The following CAPN12 variants were observed in gnomAD, a reference collection of about 807,000 sequenced individuals.
CAPN12 encodes the protein calpain-12.
In CAPN12, 107 loss-of-function variants were observed where a neutral mutation model predicts 95.0. That is an observed-to-expected ratio of 1.13 (90% CI 0.96 to 1.32). CAPN12 has a LOEUF of 1.32. Ranked by LOEUF, CAPN12 falls within the 40% of genes most tolerant of loss-of-function variation. The probability of loss-of-function intolerance (pLI) is 0.00; values close to 1 mark genes in which losing one functional copy is unlikely to be tolerated. For synonymous variants in CAPN12, 505 were observed against 415.5 expected, an observed-to-expected ratio of 1.22 and a Z score of -2.62; for missense variants, 1,136 against 997.8, an observed-to-expected ratio of 1.14 and a Z score of -1.87.
chr19:38,734,932 T>C, intron 14 of CAPN12, 62 bp from the exon 15 acceptor site: 1 of 1,519,980 alleles, frequency 6.6e-7, no homozygotes, highest in Admixed American at 1.7e-5. Flanking sequence ...GGCCAAGCCC[T>C]GTGCTAGGGA....
intron 14 of CAPN12, chr19:38,735,097 G>A (rs1969924873): frequency 4.9e-6 from 3 of 606,244 alleles, no homozygotes; most frequent in South Asian, 2.1e-5. Context: ...GGTGGTCAGG[G>A]AGAGCTTCCA....
chr19:38,733,520 T>G, intron 18 of CAPN12, 183 bp downstream of exon 18: 1 of 572,300 alleles, frequency 1.7e-6, no homozygotes, highest in Non-Finnish European at 3.1e-6. Flanking sequence ...CTTGCCCTTC[T>G]CCTTCCTTAT....
intron 10 of CAPN12, 48 bp from the exon 11 acceptor site, chr19:38,736,611 G>C: frequency 6.4e-7 from 1 of 1,572,544 alleles, no homozygotes; most frequent in Non-Finnish European, 8.6e-7. Context: ...AGAGGTGGCC[G>C]CCGCTCAGGG....
At position 38,735,510 on chromosome 19, in the gene CAPN12, A is replaced by G. The variant is rs768623515; in HGVS notation, c.1618T>C (p.Ser540Pro). ...IDDVISADLQ[S>P]LQGPYLPLEL... ...CCAGGAACAGTCCCCACCTGGAGAG[A>G]CTGCAGGTCTGCGCTGATCACGTCG... Residue 540 changes from serine to proline, a missense_variant, in exon 13 of 21, where the codon TCT becomes CCT. Coordinates refer to ENST00000328867, the MANE Select transcript of CAPN12 (RefSeq NM_144691.4). The G allele has an allele frequency of 1.2e-6, 2 of 1,610,950 alleles. No homozygotes were observed. The highest frequency in any genetic ancestry group is 1.7e-6 in the Non-Finnish European group (2 of 1,179,434).
At chr19:38,737,675 C>T in intron 8 of CAPN12, 37 bp from the exon 9 acceptor site, 1 of 1,501,444 alleles carries the variant, frequency 6.7e-7, no homozygotes, top group Non-Finnish European at 8.9e-7. Context: ...CCCGGCCCCA[C>T]CTCGAGGGGG....
chr19:38,736,917 C>CCCCCTACT, intron 10 of CAPN12: 1 of 282,660 alleles, frequency 3.5e-6, no homozygotes, highest in African/African-American at 2.6e-5. Flanking sequence ...GCCCTACTAG[C>CCCCCTACT]CCCCTACTCC....
Position 38,730,505 on chromosome 19 carries a change from T to A in CAPN12, c.*347A>T. ...AAACCACCCTCTGGGGACAGGATAATAAAACATGTAATATTTTTAAGAAGG... is the reference window on the plus strand; with the variant it reads ...AAACCACCCTCTGGGGACAGGATAAAAAAACATGTAATATTTTTAAGAAGG... On this transcript the variant is annotated 3_prime_UTR_variant, in exon 21 of 21. Transcript: ENST00000328867. 1 of 343,234 alleles carries A rather than the reference T, an allele frequency of 2.9e-6. No individual in the cohort carries two copies. The highest frequency in any genetic ancestry group is 5.4e-6 in the Non-Finnish European group (1 of 183,716). 21.3% of individuals were successfully genotyped at this position (343,234 alleles called of 1,614,324 possible).
chr19:38,741,485 A>C (rs1191072840), intron 4 of CAPN12, among the ~76,000 whole-genome samples: 2 of 151,980 alleles, frequency 1.3e-5, no homozygotes, highest in African/African-American at 4.8e-5. Context: ...AGACAGGAGA[A>C]TCGCTGGAAC....
chr19:38,736,704 GT>G (rs1970199187), intron 10 of CAPN12, 141 bp from the exon 11 acceptor site: 1 of 1,092,556 alleles, frequency 9.2e-7, no homozygotes, highest in Admixed American at 2.9e-5. Flanking sequence ...TTGCCCCGCA[GT>G]CCCCGACCCA....
Position 38,734,796 on chromosome 19 carries a change from T to G in CAPN12, c.1744+17A>C, listed in dbSNP as rs755912121. 9.9e-6 allele frequency: 16 copies of G among 1,611,358 alleles called. No homozygotes were observed. Among genetic ancestry groups the G allele is most frequent in the Non-Finnish European group, 1.3e-5 (15 of 1,178,972 alleles). On this transcript the variant is annotated intron_variant, in intron 15 of 20. Transcript: ENST00000328867. Reference sequence around the variant, plus strand: ...TGGCTAAGACCCCTCCTCCTGCCCCTATCCCAGCCAACTCACCAGGCTCCA... The same window carrying G: ...TGGCTAAGACCCCTCCTCCTGCCCCGATCCCAGCCAACTCACCAGGCTCCA...
At chr19:38,735,030 G>A in intron 14 of CAPN12, 160 bp from the exon 15 acceptor site, 1 of 668,870 alleles carries the variant, frequency 1.5e-6, no homozygotes, top group Non-Finnish European at 2.5e-6. Context: ...CTGTGACGGG[G>A]GAAGCACTGG....
rs903357579 is a variant in CAPN12 at position 38,736,241 on chromosome 19, G to A, written c.1452C>T (p.Ser484=). The stretch of plus-strand genomic sequence containing the variant: ...AGCGGCGGGTCACGTCGCGGCGGGC[G>A]CTGAGGGGCGAGCGGTCGGCGCGCA... ...RLLRADRSPL[S]ARRDVTRRCC... is the part of the protein sequence containing the mutation. Residue 484 remains serine (S), a synonymous_variant, in exon 12 of 21, where the codon AGC becomes AGT. Transcript: ENST00000328867. The A allele has an allele frequency of 9.4e-6, 14 of 1,487,148 alleles. No individual in the cohort carries two copies. The Admixed American group carries it at 2.3e-4, about 24-fold the overall frequency. The allele number at this position is 1,487,148 out of a possible 1,614,324, so 92.1% of individuals were successfully genotyped here.
intron 4 of CAPN12, among the ~76,000 whole-genome samples, chr19:38,740,892 C>A (rs1219920899): frequency 6.6e-6 from 1 of 151,640 alleles, no homozygotes; most frequent in African/African-American, 2.4e-5. Context: ...TTGGGGTGAC[C>A]AGGACTTCGG....
rs376485944 is a variant in CAPN12 at position 38,734,823 on chromosome 19, G to C, written c.1734C>G (p.Ala578=). ...ASQLQALLSI[A]LEPARAHTST... Reference sequence around the variant, plus strand: ...TCCCAGCCAACTCACCAGGCTCCAGGGCAATGCTTAGTAAGGCCTGGAGCT... The same window carrying C: ...TCCCAGCCAACTCACCAGGCTCCAGCGCAATGCTTAGTAAGGCCTGGAGCT... Residue 578 remains alanine, a synonymous_variant, in exon 15 of 21, where the codon GCC becomes GCG. Coordinates refer to ENST00000328867, the MANE Select transcript of CAPN12 (RefSeq NM_144691.4). 3 of 1,612,572 alleles carry C rather than the reference G, an allele frequency of 1.9e-6. No individual in the cohort carries two copies. In the African/African-American group the frequency reaches 4.0e-5, roughly 22 times the overall value.
chr19:38,743,206 G>A (rs1970663660), intron 1 of CAPN12, 104 bp from the exon 2 acceptor site: 2 of 1,361,120 alleles, frequency 1.5e-6, no homozygotes, highest in East Asian at 4.6e-5. Flanking sequence ...GGAAGCCTGT[G>A]GGCAGGAGCA....
At position 38,736,154 on chromosome 19, in the gene CAPN12, A is replaced by G. The variant is rs1296656768; in HGVS notation, c.1539T>C (p.Ala513=). Reference sequence around the variant, plus strand: ...CGGAGAAGACACGCAGAGTGAAGTCAGCCTCGTCGCCGGCGTGGGCGGTGC... The same window carrying G: ...CGGAGAAGACACGCAGAGTGAAGTCGGCCTCGTCGCCGGCGTGGGCGGTGC... The part of the protein sequence containing the change: ...VPSTAHAGDE[A]DFTLRVFSER... Residue 513 remains alanine (A), a synonymous_variant, in exon 12 of 21, where the codon GCT becomes GCC. Coordinates refer to ENST00000328867, the MANE Select transcript of CAPN12 (RefSeq NM_144691.4). 4 of 1,514,916 alleles carry G rather than the reference A, an allele frequency of 2.6e-6. No individual in the cohort carries two copies. Among genetic ancestry groups the G allele is most frequent in the Non-Finnish European group, 3.5e-6 (4 of 1,135,090 alleles). The allele number at this position is 1,514,916 out of a possible 1,614,324, so 93.8% of individuals were successfully genotyped here. A position where few individuals can be genotyped will look rare whatever the true frequency, so the allele number is the denominator to read the frequency against.
Position 38,736,199 on chromosome 19 carries a change from G to T in CAPN12, c.1494C>A (p.Gly498=). Residue 498 remains glycine (G), a synonymous_variant, in exon 12 of 21, where the codon GGC becomes GGA. Transcript: ENST00000328867. ...DVTRRCCLRP[G]HYLVVPSTAH... ...CGGTGCTCGGCACCACCAGGTAGTG[G>T]CCTGGACGCAGGCAGCAGCGGCGGG... 6.6e-7 allele frequency: 1 copy of T among 1,510,944 alleles called. No homozygotes were observed. 93.6% of individuals were successfully genotyped at this position (1,510,944 alleles called of 1,614,324 possible).
At position 38,738,218 on chromosome 19, in the gene CAPN12, G is replaced by A. The variant is rs1252596156; in HGVS notation, c.965+55C>T. On this transcript the variant is annotated intron_variant, in intron 8 of 20. Coordinates refer to ENST00000328867, the MANE Select transcript of CAPN12 (RefSeq NM_144691.4). ...CCTTCAACTGGGGCTCGCCCTCCCT[G>A]AACCCCTTGGCAGAGACCCTCCCAG... The A allele has an allele frequency of 4.6e-6, 7 of 1,530,570 alleles. No individual in the cohort carries two copies. In the Admixed American group the frequency reaches 1.1e-4, roughly 24 times the overall value. The allele number at this position is 1,530,570 out of a possible 1,614,324, so 94.8% of individuals were successfully genotyped here. A position where few individuals can be genotyped will look rare whatever the true frequency, so the allele number is the denominator to read the frequency against.
At position 38,737,508 on chromosome 19, in the gene CAPN12, C is replaced by T. The variant is rs758721072; in HGVS notation, c.1096G>A (p.Gly366Ser). 74 of 1,612,602 alleles carry T rather than the reference C, an allele frequency of 4.6e-5. No homozygotes were observed. The highest frequency in any genetic ancestry group is 6.0e-5 in the Non-Finnish European group (71 of 1,179,942). Reference sequence around the variant, plus strand: ...GGCTGGCTCCCGCCGGAGTTGAAGCCACGCACCCAGCGGCCTTGGAAGGTG... The same window carrying T: ...GGCTGGCTCCCGCCGGAGTTGAAGCTACGCACCCAGCGGCCTTGGAAGGTG... ...VHTFQGRWVR[G>S]FNSGGSQPNA... is the part of the protein sequence containing the mutation. The change falls in exon 9 of 21, where the codon GGC becomes AGC. Residue 366 changes from glycine (G) to serine (S), a missense_variant. Coordinates refer to ENST00000328867, the MANE Select transcript of CAPN12 (RefSeq NM_144691.4).
Sources: gnomAD v4.1 joint callset for allele counts (sites outside exome capture counted in the v4.1 genomes callset) on GRCh38, gnomAD v4.1.1 for gene constraint, MANE v1.5 for transcripts, NCBI Gene and HGNC (gene_info 2026-07-23, HGNC 2026-07-21) for gene names.